PDXK: variants seen among roughly 807,000 people sequenced by gnomAD.
The protein encoded by PDXK is epididymis secretory sperm binding protein Li 1a.
In PDXK, 15 loss-of-function variants were observed where a neutral mutation model predicts 43.2. The observed-to-expected ratio is 0.35, with a 90% CI of 0.23 to 0.53. The LOEUF is 0.53. Among genes scored for constraint, PDXK ranks in the 20% least tolerant of loss-of-function variants. The pLI is 0.92. For synonymous variants in PDXK, 172 were observed against 165.4 expected (o/e 1.04, Z -0.31); for missense variants, 343 against 417.0 (o/e 0.82, Z 1.54).
intron 1 of PDXK, among the ~76,000 whole-genome samples, chr21:43,720,951 G>A (rs1377077804): frequency 2.0e-5 from 3 of 152,200 alleles, no homozygotes; most frequent in Non-Finnish European, 4.4e-5. Flanking sequence ...CTTTGTTCTC[G>A]AACTCCCAGT....
chr21:43,738,167 G>C (rs1442513235), intron 2 of PDXK: 1 of 459,936 alleles, frequency 2.2e-6, no homozygotes, highest in Admixed American at 6.4e-5. Flanking sequence ...GAGGTCAGCA[G>C]GTTAAAAGAG....
At chr21:43,726,258 TTTTTTC>T (rs1274576368) in intron 1 of PDXK, among the ~76,000 whole-genome samples, 2 of 150,384 alleles carry the variant, frequency 1.3e-5, no homozygotes, top group Non-Finnish European at 1.5e-5. Flanking sequence ...CCGTTTTCCA[TTTTTTC>T]TTTTTCTTTT....
chr21:43,738,935 CTTTTTTT>C (rs35979481), intron 2 of PDXK: 7 of 137,928 alleles, frequency 5.1e-5, no homozygotes, highest in African/African-American at 1.9e-4. Flanking sequence ...TTTTCTTTTT[CTTTTTTT>C]TTTTTTTTGG....
Position 43,735,755 on chromosome 21 carries a change from T to C in PDXK, c.142+1632T>C, listed in dbSNP as rs1038391961. 2.0e-5 allele frequency among the ~76,000 whole-genome samples: 3 copies of C among 151,694 alleles called. No individual in the cohort carries two copies. The highest frequency in any genetic ancestry group is 2.9e-5 in the Non-Finnish European group (2 of 67,860). On this transcript the variant is annotated intron_variant, in intron 2 of 10. Coordinates refer to ENST00000291565, the MANE Select transcript of PDXK (RefSeq NM_003681.5). The surrounding 1 kb of genome is among the most constrained non-coding windows in gnomAD (Gnocchi z 5.3). ...GTACCCACACTCTCGGGGTCAGCTG[T>C]CTGTGCGGCCTGATCAGGAGGCCCC...
chr21:43,749,030 A>C lies in PDXK; in HGVS notation c.414A>C (p.Glu138Asp). 1 of 1,613,098 alleles carries C rather than the reference A, an allele frequency of 6.2e-7. No homozygotes were observed. The highest frequency in any genetic ancestry group is 8.5e-7 in the Non-Finnish European group (1 of 1,179,134). ...AGGACCTCCTTCCCGTCTACAAAGA[A>C]AAAGTGGTGCCGCTTGCAGACATTA... ...VPEDLLPVYKEKVVPLADIIT... is the reference protein window; with the variant it reads ...VPEDLLPVYKDKVVPLADIIT... Residue 138 changes from glutamate to aspartate, a missense_variant, in exon 6 of 11, where the codon GAA (glutamate) becomes GAC (aspartate). By Grantham distance (45) the Glu-to-Asp change is conservative. Transcript: ENST00000291565.
At chr21:43,750,748 T>TGC (rs1340070913) in intron 7 of PDXK, among the ~76,000 whole-genome samples, 13 of 149,684 alleles carry the variant, frequency 8.7e-5, no homozygotes, top group Admixed American at 7.9e-4. Flanking sequence ...TGTGTGTGTG[T>TGC]GCATGTGTGC....
rs1354811604 is a variant in PDXK, at chr21:43,723,073, C to T, written c.87+3692C>T. ...CAGGATGGTCTCAATCTCCTGACCT[C>T]GTGATCCGCCCACCTCGGCCTCCCA... On this transcript the variant is annotated intron_variant, in intron 1 of 10. Coordinates refer to ENST00000291565, the MANE Select transcript of PDXK (RefSeq NM_003681.5). The surrounding 1 kb of genome is among the most constrained non-coding windows in gnomAD (Gnocchi z 4.1). Among the ~76,000 whole-genome samples the T allele has an allele frequency of 6.6e-6, 1 of 151,772 alleles. No individual in the cohort carries two copies. Among genetic ancestry groups the T allele is most frequent in the Non-Finnish European group, 1.5e-5 (1 of 67,952 alleles).
At chr21:43,739,143 C>G (rs1275131773) in intron 2 of PDXK, among the ~76,000 whole-genome samples, 1 of 152,042 alleles carries the variant, frequency 6.6e-6, no homozygotes, top group Non-Finnish European at 1.5e-5. Context: ...ACAGTGTTCA[C>G]CAGGTTGGTC....
At chr21:43,736,316 C>T (rs546074648) in intron 2 of PDXK, among the ~76,000 whole-genome samples, 2 of 152,294 alleles carry the variant, frequency 1.3e-5, no homozygotes, top group South Asian at 2.1e-4. Context: ...CTGCGCTCCC[C>T]GGGCTGTCTC....
At chr21:43,727,412 G>A (rs773269827) in intron 1 of PDXK, among the ~76,000 whole-genome samples, 6 of 152,186 alleles carry the variant, frequency 3.9e-5, no homozygotes, top group African/African-American at 7.2e-5. Context: ...TCTATTCCCC[G>A]GCTCTGCATG....
chr21:43,725,495 G>T (rs2083244888), intron 1 of PDXK, among the ~76,000 whole-genome samples: 2 of 152,054 alleles, frequency 1.3e-5, no homozygotes, highest in Admixed American at 1.3e-4. Context: ...AAGGTGACAT[G>T]CATTTGCAAA....
At position 43,734,408 on chromosome 21, in the gene PDXK, C is replaced by T. The variant is rs1315703816; in HGVS notation, c.142+285C>T. On this transcript the variant is annotated intron_variant, in intron 2 of 10. Coordinates refer to ENST00000291565, the MANE Select transcript of PDXK (RefSeq NM_003681.5). The surrounding 1 kb of genome is among the most constrained non-coding windows in gnomAD (Gnocchi z 5.0). ...CAGAACCTCTCGGTGCTTCAGTTTC[C>T]TTCTCTGTAAGACAGGAGGGCAATC... Among the ~76,000 whole-genome samples the T allele has an allele frequency of 6.6e-6, 1 of 152,176 alleles. No individual in the cohort carries two copies. Among genetic ancestry groups the T allele is most frequent in the Admixed American group, 6.5e-5 (1 of 15,288 alleles).
rs1379634523 is a variant in PDXK at position 43,758,092 on chromosome 21, T to C, written c.*2029T>C. On this transcript the variant is annotated 3_prime_UTR_variant, in exon 11 of 11. Transcript: ENST00000291565. ...TGAAAAACCCAGCATGAGAACGCAG[T>C]GTCAGGTGTGGGACTCCTTCTGCCC... is the stretch of plus-strand genomic sequence containing the variant. The C allele has an allele frequency of 6.5e-6, 1 of 153,434 alleles. No individual in the cohort carries two copies. The highest frequency in any genetic ancestry group is 1.5e-5 in the Non-Finnish European group (1 of 67,956). 9.5% of individuals were successfully genotyped at this position (153,434 alleles called of 1,614,324 possible). A position where few individuals can be genotyped will look rare whatever the true frequency, so the allele number is the denominator to read the frequency against.
At chr21:43,755,644 C>T in intron 9 of PDXK, 54 bp from the exon 10 acceptor site, 3 of 1,382,426 alleles carry the variant, frequency 2.2e-6, no homozygotes, top group Admixed American at 3.3e-5. Context: ...CAGCAGTGGG[C>T]ACGTCGGGTG....
chr21:43,728,453 C>T (rs2083275916), intron 1 of PDXK, among the ~76,000 whole-genome samples: 1 of 152,158 alleles, frequency 6.6e-6, no homozygotes, highest in Admixed American at 6.5e-5. Flanking sequence ...CCCTGGAACG[C>T]CTGGAACTAG....
rs374293056 is a variant in PDXK at position 43,753,575 on chromosome 21, C to T, written c.623-8C>T. On this transcript the variant is annotated splice_polypyrimidine_tract_variant and splice_region_variant and intron_variant, in intron 8 of 10. Coordinates refer to ENST00000291565, the MANE Select transcript of PDXK (RefSeq NM_003681.5). ...ATCTCAGTGACCTTGCCCATCTTCTCCCCCTAGGGAATCCCGCTGGCTCCG... is the reference window on the plus strand; with the variant it reads ...ATCTCAGTGACCTTGCCCATCTTCTTCCCCTAGGGAATCCCGCTGGCTCCG... The T allele has an allele frequency of 4.4e-5, 70 of 1,607,780 alleles. No homozygotes were observed. Among genetic ancestry groups the T allele is most frequent in the Middle Eastern group, 1.7e-4 (1 of 6,054 alleles).
intron 2 of PDXK, among the ~76,000 whole-genome samples, chr21:43,739,348 C>G (rs145971347): frequency 2.0e-5 from 3 of 152,292 alleles, no homozygotes; most frequent in African/African-American, 7.2e-5. Flanking sequence ...CTTAACCTGT[C>G]TCTTCTCATT....
In PDXK at chr21:43,750,774, TTG is replaced by T. The variant is rs896296541; in HGVS notation, c.510+236_510+237del. Among the ~76,000 whole-genome samples, 6 of 68,554 alleles carry T rather than the reference TTG, an allele frequency of 8.8e-5. No homozygotes were observed. The East Asian group carries it at 1.5e-3, about 17-fold the overall frequency. 45.0% of individuals were successfully genotyped at this position (68,554 alleles called of 152,430 possible). On this transcript the variant is annotated intron_variant, in intron 7 of 10. Coordinates refer to ENST00000291565, the MANE Select transcript of PDXK (RefSeq NM_003681.5). ...GCATGTGTGCGTGTGTGCGCGCGTATTGTGTGTGGGTGTGTGTGTGGATGTGT... is the reference window on the plus strand; with the variant it reads ...GCATGTGTGCGTGTGTGCGCGCGTATTGTGTGGGTGTGTGTGTGGATGTGT...
At position 43,732,558 on chromosome 21, in the gene PDXK, C is replaced by T. The variant is rs1391931439; in HGVS notation, c.88-1511C>T. On this transcript the variant is annotated intron_variant, in intron 1 of 10. Coordinates refer to ENST00000291565, the MANE Select transcript of PDXK (RefSeq NM_003681.5). This position sits in a 1 kb window ranked among gnomAD's most constrained non-coding sequence, Gnocchi z 4.1. ...TTGCCAGCCCCAAAGGATTAATTAT[C>T]TACACACCCAGAAGCAGTGGAGCAG... 2.1e-6 allele frequency: 2 copies of T among 951,964 alleles called. No individual in the cohort carries two copies. The highest frequency in any genetic ancestry group is 1.7e-5 in the Admixed American group (1 of 59,238). 59.0% of individuals were successfully genotyped at this position (951,964 alleles called of 1,614,324 possible).
Sources: allele counts gnomAD v4.1 joint callset (sites outside exome capture counted in the v4.1 genomes callset), GRCh38; gene constraint gnomAD v4.1.1; non-coding constraint Gnocchi (gnomAD v3.1); transcripts MANE v1.5; gene names NCBI Gene and HGNC (gene_info 2026-07-23, HGNC 2026-07-21).